ELAPOR2: variants seen among roughly 807,000 people sequenced by gnomAD.
ELAPOR2 encodes the protein endosome-lysosome associated apoptosis and autophagy regulator family member 2.
ELAPOR2 carries 89 observed loss-of-function variants against 120.7 expected under a neutral mutation model. The observed-to-expected ratio is 0.74, with a 90% CI of 0.62 to 0.88. The LOEUF (loss-of-function observed/expected upper bound fraction) is 0.88, where lower values mean the gene tolerates loss of function less well. ELAPOR2 is among the 40% of genes least tolerant of loss of function. The probability of loss-of-function intolerance (pLI) is 0.00; values close to 1 mark genes in which losing one functional copy is unlikely to be tolerated. For missense variants in ELAPOR2, 1,134 were observed against 1,251.6 expected, an observed-to-expected ratio of 0.91 and a Z score of 1.42; for synonymous variants, 444 against 444.9, an observed-to-expected ratio of 1.00 and a Z score of 0.03.
intron 10 of ELAPOR2, chr7:86,920,987 G>A (rs1235595155): frequency 6.6e-6 from 1 of 152,044 alleles, no homozygotes; most frequent in African/African-American, 2.4e-5. Flanking sequence ...CCTCTCTGTA[G>A]GTAAATTCCC....
At chr7:86,939,575 T>C (rs1407821690) in intron 6 of ELAPOR2, among the ~76,000 whole-genome samples, 1 of 152,076 alleles carries the variant, frequency 6.6e-6, no homozygotes, top group African/African-American at 2.4e-5. Context: ...AATTACCCGG[T>C]TGGCTCAGAG....
intron 1 of ELAPOR2, among the ~76,000 whole-genome samples, chr7:87,014,964 A>G (rs1459044089): frequency 6.6e-6 from 1 of 152,042 alleles, no homozygotes; most frequent in East Asian, 1.9e-4. Context: ...TTCATATATA[A>G]TTATATCTTT....
chr7:86,999,621 A>T (rs1044839221), intron 1 of ELAPOR2, among the ~76,000 whole-genome samples: 1 of 152,198 alleles, frequency 6.6e-6, no homozygotes, highest in African/African-American at 2.4e-5. Flanking sequence ...GCATACTCAG[A>T]TTTATCCATA....
chr7:86,887,784 A>G (rs1416477799), intron 21 of ELAPOR2, among the ~76,000 whole-genome samples: 1 of 152,104 alleles, frequency 6.6e-6, no homozygotes, highest in African/African-American at 2.4e-5. Flanking sequence ...ACATCTTAAT[A>G]CAGCAGTTTG....
chr7:87,042,874 A>G (rs1794829391), intron 1 of ELAPOR2, among the ~76,000 whole-genome samples: 1 of 152,204 alleles, frequency 6.6e-6, no homozygotes, highest in Non-Finnish European at 1.5e-5. Context: ...AAAGACTAAT[A>G]AAGACAAAAA....
chr7:87,058,562 A>G (rs1795332856), intron 1 of ELAPOR2, among the ~76,000 whole-genome samples: 1 of 152,190 alleles, frequency 6.6e-6, no homozygotes. Flanking sequence ...TCTAAAAGCC[A>G]GATAAAAATC....
chr7:86,890,677 C>A (rs145290998), intron 21 of ELAPOR2, among the ~76,000 whole-genome samples: 1 of 152,104 alleles, frequency 6.6e-6, no homozygotes, highest in African/African-American at 2.4e-5. Flanking sequence ...CACTTGTTAG[C>A]TTGCAAGTAG....
intron 2 of ELAPOR2, among the ~76,000 whole-genome samples, chr7:86,957,911 A>G (rs1040207759): frequency 2.0e-5 from 3 of 152,200 alleles, no homozygotes; most frequent in Non-Finnish European, 2.9e-5. Context: ...ATGAGAATAC[A>G]ATCTATAAAG....
intron 1 of ELAPOR2, among the ~76,000 whole-genome samples, chr7:86,969,062 T>C: frequency 6.6e-6 from 1 of 152,018 alleles, no homozygotes; most frequent in Admixed American, 6.6e-5. Context: ...AAGGAAAAAT[T>C]ACCCTTCCAT....
intron 1 of ELAPOR2, among the ~76,000 whole-genome samples, chr7:87,042,478 A>G (rs1386025834): frequency 6.6e-6 from 1 of 151,734 alleles, no homozygotes; most frequent in Non-Finnish European, 1.5e-5. Context: ...GCTCAACTAC[A>G]TGGAAATTGA....
At position 86,991,936 on chromosome 7, in the gene ELAPOR2, A is replaced by T. The variant is rs138321274; in HGVS notation, c.190-26912T>A. On this transcript the variant is annotated intron_variant, in intron 1 of 21. Coordinates refer to ENST00000450689, the MANE Select transcript of ELAPOR2 (RefSeq NM_001142749.3). ...TTCATTTGCCAGAATTTAGTCAATG[A>T]CCACAAGCTATAAAGAAGCCTGGGA... Among the ~76,000 whole-genome samples, 1,007 of 152,326 alleles carry T rather than the reference A, an allele frequency of 6.6e-3. 5 individuals carry two copies. The highest frequency in any genetic ancestry group is 0.024 in the South Asian group (118 of 4,828).
At chr7:86,933,827 A>G (rs992912626) in intron 8 of ELAPOR2, among the ~76,000 whole-genome samples, 2 of 151,944 alleles carry the variant, frequency 1.3e-5, no homozygotes, top group African/African-American at 2.4e-5. Context: ...TTTCAGCTTC[A>G]TGTATTTGTT....
chr7:86,905,144 A>G (rs1401306955), intron 18 of ELAPOR2, among the ~76,000 whole-genome samples: 6 of 150,710 alleles, frequency 4.0e-5, no homozygotes, highest in African/African-American at 1.5e-4. Context: ...AGAAAAGAAA[A>G]GAAAGAAGAG....
At chr7:86,884,757 T>C (rs1387221166) in intron 21 of ELAPOR2, among the ~76,000 whole-genome samples, 3 of 152,136 alleles carry the variant, frequency 2.0e-5, no homozygotes, top group Non-Finnish European at 4.4e-5. Context: ...TACGAAAATT[T>C]TGACTGACTC....
chr7:87,053,931 C>G (rs567490560), intron 1 of ELAPOR2, among the ~76,000 whole-genome samples: 1 of 152,140 alleles, frequency 6.6e-6, no homozygotes, highest in Non-Finnish European at 1.5e-5. Flanking sequence ...CGGAAATTTT[C>G]CGTCACTGTA....
At chr7:86,935,453 C>G (rs1416960881) in intron 8 of ELAPOR2, among the ~76,000 whole-genome samples, 1 of 152,014 alleles carries the variant, frequency 6.6e-6, no homozygotes, top group South Asian at 2.1e-4. Flanking sequence ...TCATAAAATT[C>G]AAACTTCTCT....
At chr7:87,010,363 T>C (rs1321362764) in intron 1 of ELAPOR2, among the ~76,000 whole-genome samples, 1 of 152,222 alleles carries the variant, frequency 6.6e-6, no homozygotes, top group African/African-American at 2.4e-5. Flanking sequence ...TCAGAAGTAC[T>C]ACCTATGTCT....
chr7:87,039,852 G>A (rs959636378), intron 1 of ELAPOR2, among the ~76,000 whole-genome samples: 27 of 152,278 alleles, frequency 1.8e-4, no homozygotes, highest in African/African-American at 6.3e-4. Flanking sequence ...ATTTCCATCT[G>A]AGGTACCGGG....
intron 1 of ELAPOR2, among the ~76,000 whole-genome samples, chr7:86,995,560 A>G (rs1156549781): frequency 6.6e-6 from 1 of 152,190 alleles, no homozygotes; most frequent in Non-Finnish European, 1.5e-5. Context: ...TTTGCAAGCT[A>G]TATGATGCAA....
Sources: gnomAD v4.1 joint callset for allele counts (sites outside exome capture counted in the v4.1 genomes callset) on GRCh38, gnomAD v4.1.1 for gene constraint, MANE v1.5 for transcripts, NCBI Gene and HGNC (gene_info 2026-07-23, HGNC 2026-07-21) for gene names.